GCNT2: variants seen among roughly 807,000 people sequenced by gnomAD.
GCNT2 encodes N-acetyllactosaminide beta-1,6-N-acetylglucosaminyl-transferase.
Under a neutral mutation model 34.2 loss-of-function variants are expected in GCNT2, and 34 were observed. The observed-to-expected ratio is 1.00, with a 90% CI of 0.76 to 1.32. The LOEUF (loss-of-function observed/expected upper bound fraction) is 1.32, where lower values mean the gene tolerates loss of function less well. GCNT2 is among the 40% of genes most tolerant of loss of function. The pLI, the probability that GCNT2 is intolerant of heterozygous loss-of-function variation, is 0.00. For missense variants in GCNT2, 584 were observed against 489.4 expected, an observed-to-expected ratio of 1.19 and a Z score of -1.82; for synonymous variants, 212 against 188.0, an observed-to-expected ratio of 1.13 and a Z score of -1.04.
intron 3 of GCNT2, among the ~76,000 whole-genome samples, chr6:10,582,493 TATATA>T (rs1183140659): frequency 1.2e-4 from 14 of 121,102 alleles, no homozygotes; most frequent in South Asian, 6.6e-4. Flanking sequence ...TATACTATAA[TATATA>T]ATATAATACA....
chr6:10,616,331 A>G (rs1252570772), intron 3 of GCNT2, among the ~76,000 whole-genome samples: 2 of 152,224 alleles, frequency 1.3e-5, no homozygotes, highest in Non-Finnish European at 2.9e-5. Context: ...TAAGCAGTAC[A>G]AAGATTTATT....
chr6:10,560,810 A>G (rs1044108090), intron 3 of GCNT2, among the ~76,000 whole-genome samples: 1 of 151,900 alleles, frequency 6.6e-6, no homozygotes, highest in African/African-American at 2.4e-5. Flanking sequence ...GGCTCTCTCT[A>G]CACTGTTAGA....
At chr6:10,570,374 C>G (rs1763504459) in intron 3 of GCNT2, among the ~76,000 whole-genome samples, 1 of 152,196 alleles carries the variant, frequency 6.6e-6, no homozygotes, top group Non-Finnish European at 1.5e-5. Flanking sequence ...CGAAACTTTG[C>G]CCTTCAGCTC....
intron 3 of GCNT2, among the ~76,000 whole-genome samples, chr6:10,592,899 C>T (rs751869857): frequency 2.0e-5 from 3 of 151,950 alleles, no homozygotes; most frequent in Non-Finnish European, 4.4e-5. Flanking sequence ...TGCCACCATG[C>T]CCAGCTAATT....
chr6:10,549,574 T>C (rs1762403272), intron 3 of GCNT2, among the ~76,000 whole-genome samples: 5 of 141,000 alleles, frequency 3.5e-5, no homozygotes, highest in African/African-American at 5.3e-5. Context: ...TTTTTTTTTT[T>C]TTTTTTTTTT....
intron 3 of GCNT2, among the ~76,000 whole-genome samples, chr6:10,589,606 GTT>G (rs1012247463): frequency 4.6e-5 from 7 of 152,104 alleles, no homozygotes; most frequent in African/African-American, 1.7e-4. Context: ...GTGGCCCTTG[GTT>G]CATGTTCTCA....
At chr6:10,608,783 A>G (rs924994593) in intron 3 of GCNT2, among the ~76,000 whole-genome samples, 13 of 152,012 alleles carry the variant, frequency 8.6e-5, no homozygotes, top group African/African-American at 3.1e-4. Context: ...CCAAGGTGCA[A>G]AGAGCTGTGT....
At chr6:10,607,848 T>C (rs552870956) in intron 3 of GCNT2, among the ~76,000 whole-genome samples, 20 of 152,296 alleles carry the variant, frequency 1.3e-4, no homozygotes, top group African/African-American at 4.8e-4. Context: ...GTAAACATGC[T>C]GCTTTTACTC....
chr6:10,622,114 A>G (rs1766061335), intron 4 of GCNT2, among the ~76,000 whole-genome samples: 1 of 152,198 alleles, frequency 6.6e-6, no homozygotes, highest in South Asian at 2.1e-4. Flanking sequence ...AGGTTACACT[A>G]GCAAGAAGGG....
rs372128273 is a variant in GCNT2, at chr6:10,556,011, C to A, written c.925+26175C>A. The A allele has an allele frequency of 1.2e-4, 140 of 1,122,026 alleles. No individual in the cohort carries two copies. In the African/African-American group the frequency reaches 2.1e-3, roughly 17 times the overall value. 69.5% of individuals were successfully genotyped at this position (1,122,026 alleles called of 1,614,324 possible). On this transcript the variant is annotated intron_variant, in intron 3 of 4. Transcript: ENST00000495262. ...ATCACTTCAACTCTGGCTTTCACTG[C>A]GCTCATTCCCTGAATGGCAGTAACC...
intron 2 of GCNT2, among the ~76,000 whole-genome samples, chr6:10,528,088 TA>T (rs1445063709): frequency 6.6e-6 from 1 of 152,152 alleles, no homozygotes; most frequent in Non-Finnish European, 1.5e-5. Context: ...TTTGTTGTTT[TA>T]AAAAAAGAAG....
chr6:10,560,612 G>A (rs543502193), intron 3 of GCNT2, among the ~76,000 whole-genome samples: 3 of 152,276 alleles, frequency 2.0e-5, no homozygotes, highest in South Asian at 4.2e-4. Context: ...CAATGTGACC[G>A]AGAAAATGAT....
At chr6:10,528,177 G>A (rs1761294189) in intron 2 of GCNT2, among the ~76,000 whole-genome samples, 1 of 152,120 alleles carries the variant, frequency 6.6e-6, no homozygotes, top group Non-Finnish European at 1.5e-5. Flanking sequence ...TAATTAATGG[G>A]CATTTTAAAG....
At chr6:10,611,331 TTTC>T (rs1383802570) in intron 3 of GCNT2, among the ~76,000 whole-genome samples, 4 of 106,368 alleles carry the variant, frequency 3.8e-5, no homozygotes, top group Non-Finnish European at 6.4e-5. Flanking sequence ...AATTTCTTTC[TTTC>T]TTTTTTTTTT....
At chr6:10,593,508 T>G (rs1199902461) in intron 3 of GCNT2, among the ~76,000 whole-genome samples, 1 of 152,126 alleles carries the variant, frequency 6.6e-6, no homozygotes, top group Non-Finnish European at 1.5e-5. Flanking sequence ...TGGCTCATTT[T>G]TAAATTTTGT....
intron 1 of GCNT2, among the ~76,000 whole-genome samples, chr6:10,523,091 T>C (rs1355230421): frequency 1.3e-5 from 2 of 152,196 alleles, no homozygotes; most frequent in African/African-American, 2.4e-5. Context: ...TGCTCAGTCT[T>C]GCATTGCCTC....
chr6:10,528,813 C>G lies in GCNT2; in HGVS notation c.-99C>G, dbSNP rs952225394. 2 of 947,624 alleles carry G rather than the reference C, an allele frequency of 2.1e-6. No homozygotes were observed. Among genetic ancestry groups the G allele is most frequent in the Middle Eastern group, 3.1e-4 (1 of 3,190 alleles). 58.7% of individuals were successfully genotyped at this position (947,624 alleles called of 1,614,324 possible). On this transcript the variant is annotated 5_prime_UTR_variant, in exon 3 of 5. Transcript: ENST00000495262. ...AGCCAGACGAGAGCTTCAGCCATCA[C>G]GAGGATGATTTCGGAACCTGGAGAA...
chr6:10,554,612 T>C (rs1762613059), intron 3 of GCNT2, among the ~76,000 whole-genome samples: 1 of 152,224 alleles, frequency 6.6e-6, no homozygotes, highest in Non-Finnish European at 1.5e-5. Flanking sequence ...ACTGAATTAC[T>C]CTCTTTTGTT....
At chr6:10,539,220 AC>A (rs55658371) in intron 3 of GCNT2, among the ~76,000 whole-genome samples, 11,765 of 98,406 alleles carry the variant, frequency 0.12, 600 homozygotes, top group Middle Eastern at 0.27. Context: ...GCAGAGTTTC[AC>A]CCTTGTTGCC....
Sources: gnomAD v4.1 joint callset for allele counts (sites outside exome capture counted in the v4.1 genomes callset) on GRCh38, gnomAD v4.1.1 for gene constraint, MANE v1.5 for transcripts, NCBI Gene and HGNC (gene_info 2026-07-23, HGNC 2026-07-21) for gene names.